Variants in PCDHA11 observed in about 807,000 individuals in gnomAD.
PCDHA11 encodes protocadherin alpha-11.
In PCDHA11, 61 loss-of-function variants were observed where a neutral mutation model predicts 70.3. The ratio of observed to expected loss-of-function variants is 0.87; its 90% CI spans 0.71 to 1.07. The LOEUF is 1.07. PCDHA11 is among the 50% of genes least tolerant of loss of function. The probability of loss-of-function intolerance (pLI) is 0.00; values close to 1 mark genes in which losing one functional copy is unlikely to be tolerated. For synonymous variants in PCDHA11, 633 were observed against 555.1 expected, an observed-to-expected ratio of 1.14 and a Z score of -1.97; for missense variants, 1,324 against 1,237.5, an observed-to-expected ratio of 1.07 and a Z score of -1.05.
At chr5:140,875,372 T>C in intron 1 of PCDHA11, 5 of 1,451,920 alleles carry the variant, frequency 3.4e-6, no homozygotes, top group Non-Finnish European at 4.5e-6. Flanking sequence ...AAAAATTTAC[T>C]AAATATGTAC....
chr5:140,988,418 G>T (rs1372180292), intron 3 of PCDHA11, among the ~76,000 whole-genome samples: 2 of 152,150 alleles, frequency 1.3e-5, no homozygotes, highest in Non-Finnish European at 2.9e-5. Context: ...CTTATGTAAA[G>T]AATTTGTTTG....
chr5:140,880,385 A>T (rs191215782), intron 1 of PCDHA11, among the ~76,000 whole-genome samples: 86 of 152,346 alleles, frequency 5.6e-4, no homozygotes, highest in African/African-American at 2.1e-3. Context: ...ATAGAAAATA[A>T]TTTTTAAGAG....
chr5:140,989,805 A>G (rs3776110), intron 3 of PCDHA11, among the ~76,000 whole-genome samples: 8,341 of 152,306 alleles, frequency 0.055, 292 homozygotes, highest in East Asian at 0.12. Context: ...GGAAAGGGCC[A>G]TAAGATTGGT....
rs2098422801 is a variant in PCDHA11, at chr5:141,012,055, C to T, written c.*2118C>T. On this transcript the variant is annotated 3_prime_UTR_variant, in exon 4 of 4. Coordinates refer to ENST00000398640, the MANE Select transcript of PCDHA11 (RefSeq NM_018902.5). ...GGATTGCATGGGGTAAAACTTGTTA[C>T]CAACACATGTGAACCATTGCTACAT... The T allele has an allele frequency of 6.5e-6, 1 of 153,666 alleles. No individual in the cohort carries two copies. Among genetic ancestry groups the T allele is most frequent in the African/African-American group, 2.4e-5 (1 of 41,404 alleles). 9.5% of individuals were successfully genotyped at this position (153,666 alleles called of 1,614,324 possible).
chr5:140,928,252 G>A (rs1377533547), intron 1 of PCDHA11: 3 of 1,614,206 alleles, frequency 1.9e-6, no homozygotes, highest in East Asian at 2.2e-5. Flanking sequence ...GGAACTTTTC[G>A]TTGCTGAAAA....
chr5:140,883,642 C>G (rs200197885), intron 1 of PCDHA11: 55 of 1,613,904 alleles, frequency 3.4e-5, no homozygotes, highest in East Asian at 2.0e-4. Flanking sequence ...TCGCGCAGCC[C>G]GAGTACACGG....
chr5:140,932,704 A>G (rs1365268266), intron 1 of PCDHA11, among the ~76,000 whole-genome samples: 1 of 151,932 alleles, frequency 6.6e-6, no homozygotes, highest in Non-Finnish European at 1.5e-5. Context: ...ACTCATATAG[A>G]CAACACAATA....
intron 1 of PCDHA11, among the ~76,000 whole-genome samples, chr5:140,924,232 G>T (rs1554201826): frequency 6.6e-6 from 1 of 152,180 alleles, no homozygotes; most frequent in African/African-American, 2.4e-5. Flanking sequence ...ATTTTTATGG[G>T]CTGTTTTGCA....
chr5:140,970,473 CA>C (rs1177454514), intron 1 of PCDHA11, among the ~76,000 whole-genome samples: 4 of 151,956 alleles, frequency 2.6e-5, no homozygotes, highest in African/African-American at 9.7e-5. Flanking sequence ...GGTATAAGGC[CA>C]GCTTGTTCAT....
At position 140,869,943 on chromosome 5, in the gene PCDHA11, C is replaced by T. The variant is rs781893563; in HGVS notation, c.840C>T (p.Ser280=). The change falls in exon 1 of 4, where the codon TCC becomes TCT. Residue 280 remains serine, a synonymous_variant. Transcript: ENST00000398640. ...GAGTCAATGGAGAGGTAACATACTC[C>T]TTAATGTCAATTAAGCCCAATGGAA... ...DEGVNGEVTY[S]LMSIKPNGRH... is the part of the protein sequence containing the mutation. 6.2e-6 allele frequency: 10 copies of T among 1,612,248 alleles called. No homozygotes were observed. Among genetic ancestry groups the T allele is most frequent in the Non-Finnish European group, 7.6e-6 (9 of 1,179,116 alleles).
rs782640295 is a variant in PCDHA11 at position 140,871,504 on chromosome 5, C to G, written c.2391+10C>G. 2 of 1,581,824 alleles carry G rather than the reference C, an allele frequency of 1.3e-6. No homozygotes were observed. Among genetic ancestry groups the G allele is most frequent in the African/African-American group, 1.3e-5 (1 of 74,250 alleles). ...AAATCACCCCGGACAGGTGAGTTTT[C>G]TACAGATTCCACCTATCAGGAAGTG... On this transcript the variant is annotated intron_variant, in intron 1 of 3. Coordinates refer to ENST00000398640, the MANE Select transcript of PCDHA11 (RefSeq NM_018902.5).
chr5:140,961,027 C>G (rs1222428259), intron 1 of PCDHA11, among the ~76,000 whole-genome samples: 1 of 152,164 alleles, frequency 6.6e-6, no homozygotes, highest in Non-Finnish European at 1.5e-5. Flanking sequence ...CTTGCTACCT[C>G]CTTGTTTTGA....
intron 1 of PCDHA11, among the ~76,000 whole-genome samples, chr5:140,947,798 A>C (rs1164932467): frequency 7.3e-5 from 11 of 151,710 alleles, no homozygotes; most frequent in African/African-American, 1.9e-4. Context: ...CAGACTTTTA[A>C]TTTGCAGAGA....
chr5:140,896,929 G>A (rs2065808653), intron 1 of PCDHA11, among the ~76,000 whole-genome samples: 2 of 152,106 alleles, frequency 1.3e-5, no homozygotes, highest in African/African-American at 4.8e-5. Flanking sequence ...ATCACATCAT[G>A]GAAAATGGAA....
chr5:140,872,828 A>G (rs1393520150), intron 1 of PCDHA11, among the ~76,000 whole-genome samples: 2 of 152,234 alleles, frequency 1.3e-5, no homozygotes, highest in African/African-American at 4.8e-5. Flanking sequence ...CATCTAGCAG[A>G]GAAAAAATTA....
At position 140,969,258 on chromosome 5, in the gene PCDHA11, A is replaced by T. The variant is rs782513796; in HGVS notation, c.2392-9691A>T. ...CAAGCAGCAGTGACTGACAGCAGGA[A>T]TCTCACAGGCCAAAGTGGTCAGAAT... On this transcript the variant is annotated intron_variant, in intron 1 of 3. Transcript: ENST00000398640. The T allele has an allele frequency of 3.7e-6, 6 of 1,614,106 alleles. No homozygotes were observed. The East Asian group carries it at 1.3e-4, about 36-fold the overall frequency.
At chr5:140,934,636 G>A (rs782329021) in intron 1 of PCDHA11, among the ~76,000 whole-genome samples, 17 of 151,974 alleles carry the variant, frequency 1.1e-4, no homozygotes, top group Non-Finnish European at 1.9e-4. Flanking sequence ...CACAGGAAAG[G>A]CAGGATAAAT....
intron 3 of PCDHA11, among the ~76,000 whole-genome samples, chr5:141,008,176 C>T (rs2098363819): frequency 6.6e-6 from 1 of 152,032 alleles, no homozygotes; most frequent in East Asian, 1.9e-4. Context: ...AAAATGTGAC[C>T]ATTGATTGTG....
At chr5:140,884,006 C>A in intron 1 of PCDHA11, 1 of 1,613,022 alleles carries the variant, frequency 6.2e-7, no homozygotes, top group Non-Finnish European at 8.5e-7. Context: ...AGTGAGCGAG[C>A]TGATGCCGCG....
Sources: allele counts gnomAD v4.1 joint callset (sites outside exome capture counted in the v4.1 genomes callset), GRCh38; gene constraint gnomAD v4.1.1; transcripts MANE v1.5; gene names NCBI Gene and HGNC (gene_info 2026-07-23, HGNC 2026-07-21).